The following PREX2 variants were observed in gnomAD, a reference collection of about 807,000 sequenced individuals.
PREX2 encodes the protein phosphatidylinositol 3,4,5-trisphosphate-dependent Rac exchanger 2 protein.
PREX2 carries 107 observed loss-of-function variants against 203.2 expected under a neutral mutation model. The observed-to-expected ratio is 0.53, with a 90% CI of 0.45 to 0.62. The LOEUF is 0.62. PREX2 is among the 20% of genes least tolerant of loss of function. The pLI is 0.00. For synonymous variants in PREX2, 672 were observed against 663.6 expected, an observed-to-expected ratio of 1.01 and a Z score of -0.19; for missense variants, 1,777 against 1,955.9, an observed-to-expected ratio of 0.91 and a Z score of 1.72.
intron 35 of PREX2, among the ~76,000 whole-genome samples, chr8:68,169,291 G>A (rs796302900): frequency 6.6e-5 from 10 of 152,090 alleles, no homozygotes; most frequent in African/African-American, 2.4e-4. Context: ...CCCATTCCTG[G>A]GTGGGCTTGG....
intron 15 of PREX2, among the ~76,000 whole-genome samples, chr8:68,079,622 G>A (rs1809452161): frequency 6.6e-6 from 1 of 151,074 alleles, no homozygotes; most frequent in Non-Finnish European, 1.5e-5. Context: ...AACCTTCAAG[G>A]TATTAAGGAC....
chr8:68,000,712 CA>C (rs1227954073), intron 1 of PREX2, among the ~76,000 whole-genome samples: 1 of 152,034 alleles, frequency 6.6e-6, no homozygotes, highest in Non-Finnish European at 1.5e-5. Flanking sequence ...TACAGGGCTA[CA>C]GTAATCAAAA....
chr8:68,017,250 C>A (rs545911705), intron 1 of PREX2, among the ~76,000 whole-genome samples: 1 of 152,080 alleles, frequency 6.6e-6, no homozygotes, highest in Admixed American at 6.5e-5. Context: ...AGAGCCCGGA[C>A]CTGAACCCAG....
intron 1 of PREX2, among the ~76,000 whole-genome samples, chr8:67,961,715 T>A (rs4576414): frequency 6.6e-6 from 1 of 152,084 alleles, no homozygotes; most frequent in East Asian, 1.9e-4. Context: ...GAAAATGATA[T>A]GTTAATTTGA....
chr8:68,195,041 T>G (rs1362362159), intron 37 of PREX2, among the ~76,000 whole-genome samples: 1 of 151,968 alleles, frequency 6.6e-6, no homozygotes, highest in Non-Finnish European at 1.5e-5. Context: ...ACCAAGGGGG[T>G]CCTTCAGACT....
At chr8:68,054,887 C>T (rs965140945) in intron 9 of PREX2, among the ~76,000 whole-genome samples, 18 of 152,350 alleles carry the variant, frequency 1.2e-4, no homozygotes, top group African/African-American at 3.1e-4. Flanking sequence ...CAGTCACTCT[C>T]ATCAGAGGCC....
intron 25 of PREX2, among the ~76,000 whole-genome samples, chr8:68,114,650 GCATTTTAGCCTGGAGC>G (rs1378170974): frequency 1.3e-5 from 2 of 152,180 alleles, no homozygotes; most frequent in Non-Finnish European, 2.9e-5. Flanking sequence ...TCTGACTGCG[GCATTTTAGCCTGGAGC>G]CAGGTGGAGG....
At chr8:68,150,781 G>C (rs2082701) in intron 34 of PREX2, among the ~76,000 whole-genome samples, 64,087 of 152,032 alleles carry the variant, frequency 0.42, 13,643 homozygotes, top group African/African-American at 0.46. Context: ...TGCTGCCCTA[G>C]CAAGTTACCA....
At chr8:68,165,792 T>G (rs1346095228) in intron 35 of PREX2, among the ~76,000 whole-genome samples, 1 of 152,214 alleles carries the variant, frequency 6.6e-6, no homozygotes, top group East Asian at 1.9e-4. Flanking sequence ...TCCCCAGTTT[T>G]GGCAAGGTTT....
chr8:68,193,427 A>G (rs868613289), intron 37 of PREX2, among the ~76,000 whole-genome samples: 70 of 152,308 alleles, frequency 4.6e-4, no homozygotes, highest in Admixed American at 7.2e-4. Flanking sequence ...CCCGTCACCT[A>G]CATTAGGTCG....
intron 23 of PREX2, among the ~76,000 whole-genome samples, chr8:68,101,960 A>C (rs867058417): frequency 6.6e-6 from 1 of 152,198 alleles, no homozygotes; most frequent in Non-Finnish European, 1.5e-5. Flanking sequence ...GACCAAGAGA[A>C]CACAGGCTTA....
intron 11 of PREX2, among the ~76,000 whole-genome samples, chr8:68,061,480 CAGG>C (rs1808852365): frequency 6.6e-6 from 1 of 152,204 alleles, no homozygotes; most frequent in Non-Finnish European, 1.5e-5. Context: ...CTAGGCCCCT[CAGG>C]GGGCCCTGCT....
chr8:68,088,257 A>G (rs1195636864), intron 19 of PREX2, among the ~76,000 whole-genome samples: 1 of 152,208 alleles, frequency 6.6e-6, no homozygotes, highest in East Asian at 1.9e-4. Flanking sequence ...GATGCATTTT[A>G]AATTCAATAA....
intron 8 of PREX2, 30 bp from the exon 9 acceptor site, chr8:68,053,067 G>A (rs371784621): frequency 1.9e-6 from 3 of 1,595,584 alleles, no homozygotes; most frequent in African/African-American, 2.7e-5. Flanking sequence ...ATTACATTTT[G>A]TTCATTTGCC....
At chr8:68,068,588 A>G (rs1809089931) in intron 11 of PREX2, among the ~76,000 whole-genome samples, 1 of 152,070 alleles carries the variant, frequency 6.6e-6, no homozygotes, top group Admixed American at 6.6e-5. Flanking sequence ...GGTAAAATTC[A>G]TTTCCAAGAC....
chr8:68,168,692 A>C (rs1811810751), intron 35 of PREX2, among the ~76,000 whole-genome samples: 1 of 152,036 alleles, frequency 6.6e-6, no homozygotes, highest in Admixed American at 6.6e-5. Context: ...AACCACAAAT[A>C]CTCCTAAATT....
chr8:68,155,137 G>C (rs969260127), intron 34 of PREX2, among the ~76,000 whole-genome samples: 49 of 151,878 alleles, frequency 3.2e-4, no homozygotes, highest in Admixed American at 2.2e-3. Flanking sequence ...AAGGTAGATA[G>C]GGCATATCAG....
chr8:68,156,428 G>A lies in PREX2; in HGVS notation c.4232-894G>A, dbSNP rs185885639. 2.8e-3 allele frequency among the ~76,000 whole-genome samples: 427 copies of A among 152,270 alleles called. 3 individuals are homozygous for A. Among genetic ancestry groups the A allele is most frequent in the African/African-American group, 0.01 (417 of 41,544 alleles). On this transcript the variant is annotated intron_variant, in intron 34 of 39. Transcript: ENST00000288368. ...ATGTTGCGAATATGTACATATATGT[G>A]TCATATGTAATAGACGTGTGTGTAT...
intron 25 of PREX2, chr8:68,110,825 T>C: frequency 7.2e-6 from 2 of 278,526 alleles, no homozygotes; most frequent in Non-Finnish European, 1.4e-5. Flanking sequence ...TAGTATTTAC[T>C]TTGCTAATTT....
Sources: gnomAD v4.1 joint callset for allele counts (sites outside exome capture counted in the v4.1 genomes callset) on GRCh38, gnomAD v4.1.1 for gene constraint, MANE v1.5 for transcripts, NCBI Gene and HGNC (gene_info 2026-07-23, HGNC 2026-07-21) for gene names.